Variants in ASAP1 observed in about 807,000 individuals in gnomAD.
ASAP1 encodes ArfGAP with SH3 domain, ankyrin repeat and PH domain 1, also known as arf-GAP with SH3 domain, ANK repeat and PH domain-containing protein 1.
In ASAP1, 43 loss-of-function variants were observed where a neutral mutation model predicts 145.2. The observed-to-expected ratio is 0.30, with a 90% CI of 0.23 to 0.38. The LOEUF (loss-of-function observed/expected upper bound fraction) is 0.38, where lower values mean the gene tolerates loss of function less well. Among genes scored for constraint, ASAP1 ranks in the 10% least tolerant of loss-of-function variants. The pLI, the probability that ASAP1 is intolerant of heterozygous loss-of-function variation, is 1.00. For synonymous variants in ASAP1, 546 were observed against 515.5 expected (o/e 1.06, Z -0.80); for missense variants, 1,018 against 1,355.3 (o/e 0.75, Z 3.91).
chr8:130,367,854 C>T (rs141729390), intron 2 of ASAP1, among the ~76,000 whole-genome samples: 2 of 152,302 alleles, frequency 1.3e-5, no homozygotes, highest in Admixed American at 6.5e-5. Flanking sequence ...AATATGATTT[C>T]GCCTGCAATG....
At chr8:130,100,104 T>C (rs1036239475) in intron 24 of ASAP1, among the ~76,000 whole-genome samples, 1 of 152,196 alleles carries the variant, frequency 6.6e-6, no homozygotes, top group Non-Finnish European at 1.5e-5. Context: ...TTTTCATTAG[T>C]ACCTGTACTA....
At chr8:130,392,106 T>C (rs1305846709) in intron 2 of ASAP1, among the ~76,000 whole-genome samples, 1 of 152,248 alleles carries the variant, frequency 6.6e-6, no homozygotes, top group Non-Finnish European at 1.5e-5. Flanking sequence ...CTGTAACTTA[T>C]ATATCAACCT....
intron 1 of ASAP1, among the ~76,000 whole-genome samples, chr8:130,435,693 G>A (rs1409635101): frequency 6.6e-6 from 1 of 152,106 alleles, no homozygotes; most frequent in Non-Finnish European, 1.5e-5. Flanking sequence ...ATAAAATCAG[G>A]ACCCTCAAAG....
intron 3 of ASAP1, among the ~76,000 whole-genome samples, chr8:130,243,516 G>A (rs1282275350): frequency 6.6e-6 from 1 of 151,984 alleles, no homozygotes; most frequent in Non-Finnish European, 1.5e-5. Context: ...CTAAGTCCTC[G>A]CTACTGCCTG....
chr8:130,394,067 G>C (rs1340869981), intron 2 of ASAP1, among the ~76,000 whole-genome samples: 2 of 152,108 alleles, frequency 1.3e-5, no homozygotes, highest in African/African-American at 4.8e-5. Flanking sequence ...TGCACAAATT[G>C]TTTGTAGAGC....
chr8:130,331,220 T>C (rs1024500654), intron 3 of ASAP1, among the ~76,000 whole-genome samples: 4 of 152,020 alleles, frequency 2.6e-5, no homozygotes, highest in Admixed American at 2.6e-4. Flanking sequence ...AAAGAGCGAG[T>C]AGGGCCCTAT....
chr8:130,244,408 CTG>C (rs1176622185), intron 3 of ASAP1, among the ~76,000 whole-genome samples: 2 of 152,134 alleles, frequency 1.3e-5, no homozygotes, highest in African/African-American at 2.4e-5. Context: ...TTCCTGGAGA[CTG>C]TGCAAGAATC....
At position 130,180,849 on chromosome 8, in the gene ASAP1, C is replaced by T. The variant is rs777797772; in HGVS notation, c.562G>A (p.Ala188Thr). 3 of 1,612,512 alleles carry T rather than the reference C, an allele frequency of 1.9e-6. No homozygotes were observed. In the South Asian group the frequency reaches 3.3e-5, roughly 18 times the overall value. The change falls in exon 8 of 30, where the codon GCA becomes ACA. Residue 188 changes from alanine to threonine, a missense_variant. Ala to Thr is a moderately conservative substitution (Grantham distance 58, BLOSUM62 0). Transcript: ENST00000518721. The part of the protein sequence containing the change: ...TKIEKEKREH[A>T]KQHGMIRTEI... ...GTGCGGATCATCCCATGTTGTTTTG[C>T]GTGCTCTCTTTTCTCTTTCTCAATT...
At chr8:130,060,308 G>A (rs2097416055) in intron 28 of ASAP1, among the ~76,000 whole-genome samples, 1 of 152,116 alleles carries the variant, frequency 6.6e-6, no homozygotes. Flanking sequence ...CTTTTTGTAT[G>A]TGAAGAAAGT....
At chr8:130,135,763 T>C (rs568461278) in intron 14 of ASAP1, among the ~76,000 whole-genome samples, 7 of 152,332 alleles carry the variant, frequency 4.6e-5, no homozygotes, top group African/African-American at 1.4e-4. Context: ...CAGACTCTCA[T>C]AACTAGGGGT....
intron 23 of ASAP1, 172 bp downstream of exon 23, chr8:130,115,456 C>T: frequency 1.6e-6 from 1 of 608,172 alleles, no homozygotes; most frequent in Non-Finnish European, 2.9e-6. Context: ...CTCTGGACAA[C>T]CTTAATATAG....
intron 11 of ASAP1, among the ~76,000 whole-genome samples, chr8:130,165,426 T>C (rs2097678040): frequency 2.6e-5 from 4 of 152,212 alleles, no homozygotes; most frequent in Admixed American, 2.6e-4. Flanking sequence ...CTGGGTCTTT[T>C]TAATGCTCTT....
At chr8:130,392,205 T>C (rs1409373856) in intron 2 of ASAP1, among the ~76,000 whole-genome samples, 1 of 152,218 alleles carries the variant, frequency 6.6e-6, no homozygotes, top group Non-Finnish European at 1.5e-5. Context: ...TCTCTAAGCA[T>C]CTGTTTTTTA....
At chr8:130,355,286 G>A (rs1258057573) in intron 3 of ASAP1, among the ~76,000 whole-genome samples, 1 of 152,224 alleles carries the variant, frequency 6.6e-6, no homozygotes, top group Non-Finnish European at 1.5e-5. Flanking sequence ...AGGAGACATA[G>A]TAAAAGAAAG....
At chr8:130,199,661 T>TA (rs1162872988) in intron 5 of ASAP1, among the ~76,000 whole-genome samples, 3 of 152,178 alleles carry the variant, frequency 2.0e-5, no homozygotes, top group African/African-American at 7.2e-5. Flanking sequence ...GTGAGGTCTC[T>TA]AAAAAGACCT....
intron 1 of ASAP1, among the ~76,000 whole-genome samples, chr8:130,437,866 C>G (rs977372653): frequency 1.5e-4 from 23 of 152,208 alleles, no homozygotes; most frequent in African/African-American, 5.3e-4. Context: ...CTTCTTTATC[C>G]CAAACCAGGC....
intron 14 of ASAP1, among the ~76,000 whole-genome samples, chr8:130,134,831 C>CT (rs771399647): frequency 2.2e-4 from 34 of 151,622 alleles, no homozygotes; most frequent in South Asian, 8.4e-4. Flanking sequence ...ACTGTGTTTT[C>CT]TTTTTTTTTA....
chr8:130,057,802 A>G, intron 29 of ASAP1, 152 bp downstream of exon 29: 1 of 1,016,874 alleles, frequency 9.8e-7, no homozygotes, highest in Non-Finnish European at 1.5e-6. Context: ...AAAAGACACC[A>G]AATGCAATGG....
chr8:130,105,026 T>C (rs535498357), intron 24 of ASAP1, among the ~76,000 whole-genome samples: 17 of 152,322 alleles, frequency 1.1e-4, no homozygotes, highest in Non-Finnish European at 1.8e-4. Context: ...ATTTTATCAC[T>C]TTCTAATAGT....
Sources: allele counts gnomAD v4.1 joint callset (sites outside exome capture counted in the v4.1 genomes callset), GRCh38; gene constraint gnomAD v4.1.1; transcripts MANE v1.5; gene names NCBI Gene and HGNC (gene_info 2026-07-23, HGNC 2026-07-21).